ARSB: variants seen among roughly 807,000 people sequenced by gnomAD.
ARSB encodes N-acetylgalactosamine-4-sulfatase.
A neutral mutation model predicts 50.9 loss-of-function variants in ARSB; 41 were observed. That is an observed-to-expected ratio of 0.81 (90% CI 0.63 to 1.04). The LOEUF (loss-of-function observed/expected upper bound fraction) is 1.04. Ranked by LOEUF, ARSB falls within the 50% of genes least tolerant of loss-of-function variation. The pLI is 0.00. For missense variants in ARSB, 672 were observed against 693.3 expected (o/e 0.97, Z 0.35); for synonymous variants, 269 against 284.8 (o/e 0.94, Z 0.56).
At chr5:78,968,921 C>G in intron 2 of ARSB, 85 bp downstream of exon 2, 1 of 1,458,322 alleles carries the variant, frequency 6.9e-7, no homozygotes, top group Non-Finnish European at 9.6e-7. Context: ...ATATCCAGTT[C>G]TTTCATTTGA....
chr5:78,903,066 G>GT (rs1247197890), intron 4 of ARSB, among the ~76,000 whole-genome samples: 1 of 152,168 alleles, frequency 6.6e-6, no homozygotes, highest in Non-Finnish European at 1.5e-5. Flanking sequence ...AAAACCAACA[G>GT]TTTTGTTTAA....
chr5:78,885,600 C>T lies in ARSB; in HGVS notation c.1126G>A (p.Val376Met), dbSNP rs1071598. ...NGTKPLDGFD[V>M]WKTISEGSPS... ...TGTAGGTACCTGATGGTTTTCCACACGTCGAAGCCATCCAGAGGCTTTGTG... is the reference window on the plus strand; with the variant it reads ...TGTAGGTACCTGATGGTTTTCCACATGTCGAAGCCATCCAGAGGCTTTGTG... Residue 376 changes from valine to methionine, a missense_variant, in exon 5 of 8, where the codon GTG (valine) becomes ATG (methionine). Val to Met is a conservative substitution (Grantham distance 21). Coordinates refer to ENST00000264914, the MANE Select transcript of ARSB (RefSeq NM_000046.5). The T allele has an allele frequency of 0.16, 258,545 of 1,613,742 alleles. 22,375 individuals carry two copies. Among genetic ancestry groups the T allele is most frequent in the Middle Eastern group, 0.2 (1,231 of 6,062 alleles).
intron 1 of ARSB, among the ~76,000 whole-genome samples, chr5:78,978,744 G>A (rs1354523144): frequency 1.3e-5 from 2 of 152,086 alleles, no homozygotes; most frequent in Non-Finnish European, 2.9e-5. Flanking sequence ...GTGCAATGAG[G>A]AAAGAACACT....
intron 4 of ARSB, among the ~76,000 whole-genome samples, chr5:78,913,142 G>A (rs926738289): frequency 1.1e-5 from 1 of 92,058 alleles, no homozygotes; most frequent in East Asian, 3.6e-4. Context: ...TTTTTCTTTT[G>A]TTGAGACAGA....
At chr5:78,813,029 C>A (rs1356365941) in intron 6 of ARSB, among the ~76,000 whole-genome samples, 3 of 151,882 alleles carry the variant, frequency 2.0e-5, no homozygotes, top group African/African-American at 7.3e-5. Context: ...AAAAAGTTTA[C>A]AAATTATGTG....
chr5:78,895,132 G>A (rs1362858119), intron 4 of ARSB, among the ~76,000 whole-genome samples: 1 of 152,204 alleles, frequency 6.6e-6, no homozygotes, highest in African/African-American at 2.4e-5. Flanking sequence ...ACTAACTCAG[G>A]ACCTATTCAG....
chr5:78,782,320 AT>A (rs1748950072), intron 6 of ARSB, among the ~76,000 whole-genome samples: 1 of 152,228 alleles, frequency 6.6e-6, no homozygotes, highest in South Asian at 2.1e-4. Flanking sequence ...GCTGTTAAAC[AT>A]TTAAACACAC....
chr5:78,893,359 A>T (rs1748407274), intron 4 of ARSB, among the ~76,000 whole-genome samples: 1 of 152,232 alleles, frequency 6.6e-6, no homozygotes, highest in Admixed American at 6.5e-5. Flanking sequence ...GTGGAGATTT[A>T]AAAAAGATGC....
chr5:78,852,965 T>G (rs1223648121), intron 5 of ARSB, among the ~76,000 whole-genome samples: 1 of 152,200 alleles, frequency 6.6e-6, no homozygotes, highest in Non-Finnish European at 1.5e-5. Flanking sequence ...CGTCTAAATT[T>G]TTTTCAAAGT....
chr5:78,826,836 C>G (rs1473587752), intron 6 of ARSB, among the ~76,000 whole-genome samples: 1 of 152,204 alleles, frequency 6.6e-6, no homozygotes, highest in Admixed American at 6.5e-5. Flanking sequence ...CTTCTACAAA[C>G]ATTCCAAATT....
intron 5 of ARSB, among the ~76,000 whole-genome samples, chr5:78,844,450 C>T: frequency 6.6e-6 from 1 of 152,116 alleles, no homozygotes; most frequent in East Asian, 1.9e-4. Context: ...AGTCCCTTAT[C>T]TGATACATGA....
At chr5:78,782,771 T>C (rs1748963446) in intron 6 of ARSB, among the ~76,000 whole-genome samples, 1 of 152,204 alleles carries the variant, frequency 6.6e-6, no homozygotes, top group African/African-American at 2.4e-5. Flanking sequence ...AGCAGAGAGA[T>C]CTTGTTTGTA....
intron 5 of ARSB, among the ~76,000 whole-genome samples, chr5:78,853,269 C>G (rs1419956707): frequency 6.6e-6 from 1 of 152,212 alleles, no homozygotes; most frequent in Non-Finnish European, 1.5e-5. Context: ...AGTTTTCCTT[C>G]TAACAGACAG....
chr5:78,794,927 G>A (rs1483087414), intron 6 of ARSB, among the ~76,000 whole-genome samples: 1 of 152,108 alleles, frequency 6.6e-6, no homozygotes, highest in Non-Finnish European at 1.5e-5. Context: ...CCTGGCTTTG[G>A]AGCCAGACTA....
chr5:78,885,111 T>A (rs900002033), intron 5 of ARSB: 1 of 158,822 alleles, frequency 6.3e-6, no homozygotes, highest in Non-Finnish European at 1.4e-5. Context: ...GACTTGTTCA[T>A]TCCTAATTTC....
rs368030435 is a variant in ARSB at position 78,841,168 on chromosome 5, C to CTACTACTACTACTACTAATAATAATAA, written c.1143-1743_1143-1742insTTATTATTATTAGTAGTAGTAGTAGTA. Among the ~76,000 whole-genome samples the CTACTACTACTACTACTAATAATAATAA allele has an allele frequency of 4.0e-3, 524 of 131,992 alleles. 1 individual carries two copies. Among genetic ancestry groups the CTACTACTACTACTACTAATAATAATAA allele is most frequent in the South Asian group, 5.8e-3 (22 of 3,766 alleles). The allele number at this position is 131,992 out of a possible 152,430, so 86.6% of individuals were successfully genotyped here. Reference sequence around the variant, plus strand: ...ACTACTACTACTACTACTACTACTACTAATAATAATAATAATTTGAGCATG... The same window carrying CTACTACTACTACTACTAATAATAATAA: ...ACTACTACTACTACTACTACTACTACTACTACTACTACTACTAATAATAATAATAATAATAATAATAATTTGAGCATG... On this transcript the variant is annotated intron_variant, in intron 5 of 7. Transcript: ENST00000264914.
At chr5:78,786,106 T>G (rs1320104553) in intron 6 of ARSB, among the ~76,000 whole-genome samples, 4 of 152,210 alleles carry the variant, frequency 2.6e-5, no homozygotes, top group Admixed American at 2.0e-4. Flanking sequence ...TAGAACATTT[T>G]TATCACCCCA....
intron 5 of ARSB, among the ~76,000 whole-genome samples, chr5:78,851,490 A>G (rs1217347337): frequency 6.6e-6 from 1 of 152,136 alleles, no homozygotes. Context: ...CTATGTGGTC[A>G]ATTTTGGAAT....
chr5:78,846,881 T>C (rs1419795818), intron 5 of ARSB, among the ~76,000 whole-genome samples: 1 of 152,230 alleles, frequency 6.6e-6, no homozygotes, highest in East Asian at 1.9e-4. Context: ...ATGTTTGCTA[T>C]GGGCTTATGA....
Sources: allele counts gnomAD v4.1 joint callset (sites outside exome capture counted in the v4.1 genomes callset), GRCh38; gene constraint gnomAD v4.1.1; transcripts MANE v1.5; gene names NCBI Gene and HGNC (gene_info 2026-07-23, HGNC 2026-07-21).